Variants in ZNF507 observed in about 807,000 individuals in gnomAD.
ZNF507 encodes the protein zinc finger protein 507.
A neutral mutation model predicts 80.0 loss-of-function variants in ZNF507; 29 were observed. The observed-to-expected ratio is 0.36, with a 90% CI of 0.27 to 0.49. The LOEUF (loss-of-function observed/expected upper bound fraction) is 0.49, where lower values mean the gene tolerates loss of function less well. Ranked by LOEUF, ZNF507 falls within the 20% of genes least tolerant of loss-of-function variation. The probability of loss-of-function intolerance (pLI) is 0.98; values close to 1 mark genes in which losing one functional copy is unlikely to be tolerated. For synonymous variants in ZNF507, 462 were observed against 422.5 expected (o/e 1.09, Z -1.15); for missense variants, 1,081 against 1,152.2 (o/e 0.94, Z 0.90).
chr19:32,348,201 C>A (rs1025971177), intron 2 of ZNF507, among the ~76,000 whole-genome samples: 1 of 152,138 alleles, frequency 6.6e-6, no homozygotes, highest in African/African-American at 2.4e-5. Flanking sequence ...GAGCTTATGT[C>A]CCCTGCCTTC....
intron 5 of ZNF507, among the ~76,000 whole-genome samples, chr19:32,381,056 A>T (rs1967616380): frequency 6.6e-6 from 1 of 152,190 alleles, no homozygotes; most frequent in African/African-American, 2.4e-5. Context: ...ATACATCCAC[A>T]CAATGTAATA....
intron 3 of ZNF507, among the ~76,000 whole-genome samples, chr19:32,355,283 G>C (rs1205750926): frequency 6.6e-6 from 1 of 152,080 alleles, no homozygotes; most frequent in Non-Finnish European, 1.5e-5. Flanking sequence ...TTAACGTATT[G>C]ACATACGTTT....
chr19:32,372,664 GAACT>G (rs1967490165), intron 5 of ZNF507, among the ~76,000 whole-genome samples: 1 of 151,794 alleles, frequency 6.6e-6, no homozygotes, highest in African/African-American at 2.4e-5. Flanking sequence ...ACTCTCAAGA[GAACT>G]AACTCATTCC....
rs1466021641 is a variant in ZNF507 at position 32,386,834 on chromosome 19, A to T, written c.*3751A>T. 1 of 152,582 alleles carries T rather than the reference A, an allele frequency of 6.6e-6. No homozygotes were observed. Among genetic ancestry groups the T allele is most frequent in the Non-Finnish European group, 1.5e-5 (1 of 68,032 alleles). The allele number at this position is 152,582 out of a possible 1,614,324, so 9.5% of individuals were successfully genotyped here. ...ACTTTAATATTGTATTTTGGTAATAAATTTTTTGTTAAAAAAAACTTGGCT... is the reference window on the plus strand; with the variant it reads ...ACTTTAATATTGTATTTTGGTAATATATTTTTTGTTAAAAAAAACTTGGCT... On this transcript the variant is annotated 3_prime_UTR_variant, in exon 7 of 7. Coordinates refer to ENST00000355898, the MANE Select transcript of ZNF507 (RefSeq NM_001136156.2).
intron 3 of ZNF507, 55 bp downstream of exon 3, chr19:32,355,012 G>A: frequency 6.7e-7 from 1 of 1,481,888 alleles, no homozygotes; most frequent in Non-Finnish European, 9.0e-7. Flanking sequence ...AGAGTGAGAA[G>A]GGAACTTTGT....
chr19:32,354,849 C>A lies in ZNF507; in HGVS notation c.2019C>A (p.Ile673=), dbSNP rs375200130. ...HRQRQPYQCP[I]CEHIADNSKD... The stretch of plus-strand genomic sequence containing the variant: ...AGAGACAGCCTTATCAGTGTCCTAT[C>A]TGCGAGCACATAGCGGACAACAGCA... Residue 673 remains isoleucine, a synonymous_variant, in exon 3 of 7, where the codon ATC becomes ATA. Coordinates refer to ENST00000355898, the MANE Select transcript of ZNF507 (RefSeq NM_001136156.2). 3.1e-6 allele frequency: 5 copies of A among 1,614,078 alleles called. No homozygotes were observed. The highest frequency in any genetic ancestry group is 4.2e-6 in the Non-Finnish European group (5 of 1,180,036).
intron 2 of ZNF507, among the ~76,000 whole-genome samples, chr19:32,349,861 A>G (rs1191254503): frequency 6.6e-6 from 1 of 152,232 alleles, no homozygotes; most frequent in Non-Finnish European, 1.5e-5. Flanking sequence ...CTTCAATTAC[A>G]GAATTAGTCA....
At chr19:32,351,423 G>GTGTGTGTA (rs1555708338) in intron 2 of ZNF507, among the ~76,000 whole-genome samples, 1 of 110,360 alleles carries the variant, frequency 9.1e-6, no homozygotes, top group Non-Finnish European at 1.9e-5. Context: ...GGTCAGCTGT[G>GTGTGTGTA]TGTGTGTGTG....
chr19:32,351,583 G>T (rs534034317), intron 2 of ZNF507, among the ~76,000 whole-genome samples: 39 of 150,802 alleles, frequency 2.6e-4, no homozygotes, highest in African/African-American at 7.6e-4. Context: ...GGGCTGAAGG[G>T]CCCTTATATG....
At chr19:32,375,795 T>C (rs1464394375) in intron 5 of ZNF507, among the ~76,000 whole-genome samples, 1 of 152,202 alleles carries the variant, frequency 6.6e-6, no homozygotes, top group Non-Finnish European at 1.5e-5. Flanking sequence ...TTTTTTTAGA[T>C]TTAGTCTCAG....
At chr19:32,347,464 G>A (rs567796987) in intron 2 of ZNF507, 126 bp downstream of exon 2, 2 of 152,114 alleles carry the variant, frequency 1.3e-5, no homozygotes, top group Non-Finnish European at 2.9e-5. Context: ...TAGCTGTAAG[G>A]AGCTGTTACT....
At chr19:32,351,476 GGGGGGGCGGGGCCTGTTTT>G (rs1967164859) in intron 2 of ZNF507, among the ~76,000 whole-genome samples, 16 of 51,000 alleles carry the variant, frequency 3.1e-4, no homozygotes, top group African/African-American at 5.4e-4. Flanking sequence ...TGTGTGGCGT[GGGGGGGCGGGGCCTGTTTT>G]TGTGTTTGTG....
chr19:32,364,468 C>T (rs1967369902), intron 5 of ZNF507, among the ~76,000 whole-genome samples: 1 of 152,112 alleles, frequency 6.6e-6, no homozygotes, highest in African/African-American at 2.4e-5. Flanking sequence ...TATTTGTTGT[C>T]TTTTATCCCT....
At chr19:32,372,987 A>G (rs918741808) in intron 5 of ZNF507, among the ~76,000 whole-genome samples, 2 of 152,200 alleles carry the variant, frequency 1.3e-5, no homozygotes, top group Admixed American at 1.3e-4. Flanking sequence ...TCCAAGCTCA[A>G]GGTGTCAGCA....
At chr19:32,350,925 G>T (rs1470300024) in intron 2 of ZNF507, among the ~76,000 whole-genome samples, 1 of 152,154 alleles carries the variant, frequency 6.6e-6, no homozygotes, top group Non-Finnish European at 1.5e-5. Context: ...TAAAAATGTG[G>T]AATTCTAAGA....
Position 32,353,740 on chromosome 19 carries a change from G to T in ZNF507, c.910G>T (p.Ala304Ser), listed in dbSNP as rs1023454717. The change falls in exon 3 of 7, where the codon GCA (alanine) becomes TCA (serine). Residue 304 changes from alanine (A) to serine (S), a missense_variant. Ala to Ser is a moderately conservative substitution (Grantham distance 99, BLOSUM62 1). Coordinates refer to ENST00000355898, the MANE Select transcript of ZNF507 (RefSeq NM_001136156.2). Reference protein sequence around the residue: ...SAAAAPGGVDAVVIAIGESEL... With the variant: ...SAAAAPGGVDSVVIAIGESEL... Reference sequence around the variant, plus strand: ...AGCTGCTGCGCCTGGTGGGGTCGATGCAGTCGTCATTGCTATTGGAGAGAG... The same window carrying T: ...AGCTGCTGCGCCTGGTGGGGTCGATTCAGTCGTCATTGCTATTGGAGAGAG... 1 of 1,614,202 alleles carries T rather than the reference G, an allele frequency of 6.2e-7. No homozygotes were observed. Among genetic ancestry groups the T allele is most frequent in the East Asian group, 2.2e-5 (1 of 44,886 alleles).
rs1268699885 is a variant in ZNF507 at position 32,380,612 on chromosome 19, A to G, written c.2361-1855A>G. 64 of 1,535,386 alleles carry G rather than the reference A, an allele frequency of 4.2e-5. 1 individual carries two copies. The Middle Eastern group carries it at 6.7e-4, about 16-fold the overall frequency. The stretch of plus-strand genomic sequence containing the variant: ...ACTGTGTCTCTTATTGGTGTAGGAA[A>G]GAGTTCAGGTAAGTAAGTTATCTGG... On this transcript the variant is annotated intron_variant, in intron 5 of 6. Coordinates refer to ENST00000355898, the MANE Select transcript of ZNF507 (RefSeq NM_001136156.2).
chr19:32,359,962 C>T (rs983219108), intron 4 of ZNF507, among the ~76,000 whole-genome samples: 5 of 152,052 alleles, frequency 3.3e-5, no homozygotes, highest in African/African-American at 4.8e-5. Context: ...TCCTGGCCTC[C>T]GGCAGTCCTC....
In ZNF507 at chr19:32,364,958, C is replaced by T. The variant is rs552416620; in HGVS notation, c.2360+4340C>T. Among the ~76,000 whole-genome samples, 3 of 151,732 alleles carry T rather than the reference C, an allele frequency of 2.0e-5. No individual in the cohort carries two copies. In the East Asian group the frequency reaches 5.8e-4, roughly 29 times the overall value. On this transcript the variant is annotated intron_variant, in intron 5 of 6. Transcript: ENST00000355898. ...CGTGTAGAAGTGTTCCTTATCGCCA[C>T]ATCCACACCAACATCTACTGTTTAT...
Sources: gnomAD v4.1 joint callset for allele counts (sites outside exome capture counted in the v4.1 genomes callset) on GRCh38, gnomAD v4.1.1 for gene constraint, MANE v1.5 for transcripts, NCBI Gene and HGNC (gene_info 2026-07-23, HGNC 2026-07-21) for gene names.